The following KMT2C variants were observed in gnomAD, a reference collection of about 807,000 sequenced individuals.
The protein encoded by KMT2C is histone-lysine N-methyltransferase 2C.
Under a neutral mutation model 507.9 loss-of-function variants are expected in KMT2C, and 88 were observed. The ratio of observed to expected loss-of-function variants is 0.17; its 90% CI spans 0.15 to 0.21. The LOEUF (loss-of-function observed/expected upper bound fraction) is 0.21, where lower values mean the gene tolerates loss of function less well. Among genes scored for constraint, KMT2C ranks in the 10% least tolerant of loss-of-function variants. KMT2C has a pLI of 1.00. For missense variants in KMT2C, 4,954 were observed against 5,957.8 expected, an observed-to-expected ratio of 0.83 and a Z score of 5.55; for synonymous variants, 2,049 against 2,080.8, an observed-to-expected ratio of 0.98 and a Z score of 0.42.
chr7:152,325,927 AAAGTATGTCT>A (rs1053878493), intron 3 of KMT2C, among the ~76,000 whole-genome samples: 11 of 146,308 alleles, frequency 7.5e-5, no homozygotes, highest in African/African-American at 2.8e-4. Context: ...TTTTTTTTTT[AAAGTATGTCT>A]AATTGTTCTA....
intron 46 of KMT2C, 73 bp downstream of exon 46, chr7:152,155,837 G>C: frequency 7.2e-7 from 1 of 1,396,070 alleles, no homozygotes; most frequent in East Asian, 2.5e-5. Flanking sequence ...AAGACATTAT[G>C]CCACATACAT....
chr7:152,250,035 G>A, intron 12 of KMT2C, 82 bp from the exon 13 acceptor site: 1 of 777,440 alleles, frequency 1.3e-6, no homozygotes, highest in Non-Finnish European at 2.2e-6. Flanking sequence ...TGAGTAAAGA[G>A]TTTTATTCTA....
At chr7:152,423,346 C>G (rs2097789993) in intron 1 of KMT2C, among the ~76,000 whole-genome samples, 2 of 152,002 alleles carry the variant, frequency 1.3e-5, no homozygotes, top group Non-Finnish European at 2.9e-5. Flanking sequence ...TCTCAGAAAA[C>G]AAACAAACTA....
intron 6 of KMT2C, among the ~76,000 whole-genome samples, chr7:152,288,757 A>G (rs1342695804): frequency 2.6e-5 from 4 of 151,710 alleles, no homozygotes; most frequent in Admixed American, 1.3e-4. Flanking sequence ...TCTGAAAACT[A>G]ATGACTAAAC....
chr7:152,338,663 A>G (rs1040414507), intron 2 of KMT2C, among the ~76,000 whole-genome samples: 1 of 152,252 alleles, frequency 6.6e-6, no homozygotes, highest in Non-Finnish European at 1.5e-5. Context: ...AAAGTTAATT[A>G]CAAGCTCAAG....
At chr7:152,184,586 A>G (rs1256892158) in intron 34 of KMT2C, among the ~76,000 whole-genome samples, 1 of 152,210 alleles carries the variant, frequency 6.6e-6, no homozygotes, top group African/African-American at 2.4e-5. Context: ...ACAAGAAAAG[A>G]GGTGACTGTG....
chr7:152,358,393 G>C (rs4579439), intron 2 of KMT2C, among the ~76,000 whole-genome samples, 194 bp downstream of exon 2: 4 of 151,930 alleles, frequency 2.6e-5, no homozygotes, highest in Non-Finnish European at 4.4e-5. Flanking sequence ...CCAGGGCTTA[G>C]GGAAAAAAGA....
chr7:152,264,099 TC>T (rs1247747023), intron 8 of KMT2C, among the ~76,000 whole-genome samples: 4 of 152,200 alleles, frequency 2.6e-5, no homozygotes, highest in African/African-American at 9.7e-5. Flanking sequence ...GTTCTTTTAA[TC>T]CTTCCCAAGA....
chr7:152,262,605 A>G (rs2095798117), intron 9 of KMT2C, among the ~76,000 whole-genome samples: 1 of 152,208 alleles, frequency 6.6e-6, no homozygotes, highest in African/African-American at 2.4e-5. Context: ...TCCAGCACTC[A>G]GTAATAAAAA....
intron 55 of KMT2C, among the ~76,000 whole-genome samples, chr7:152,141,333 A>C (rs951946141): frequency 4.0e-5 from 6 of 151,766 alleles, no homozygotes; most frequent in African/African-American, 1.5e-4. Flanking sequence ...CAGAAAAGAG[A>C]AATAGATCCC....
intron 6 of KMT2C, among the ~76,000 whole-genome samples, chr7:152,290,605 G>A (rs1243457750): frequency 2.6e-5 from 4 of 151,640 alleles, no homozygotes; most frequent in Admixed American, 2.0e-4. Flanking sequence ...ACTGCGCCCG[G>A]CCCATAAATT....
chr7:152,330,473 A>G (rs1364043702), intron 3 of KMT2C, 128 bp downstream of exon 3: 19 of 870,644 alleles, frequency 2.2e-5, no homozygotes, highest in Non-Finnish European at 3.3e-5. Flanking sequence ...CTTCAAATTT[A>G]GCTACTAAAT....
Position 152,263,009 on chromosome 7 carries a change from A to G in KMT2C, c.1299+7T>C. 6.3e-7 allele frequency: 1 copy of G among 1,589,648 alleles called. No individual in the cohort carries two copies. Among genetic ancestry groups the G allele is most frequent in the Non-Finnish European group, 8.6e-7 (1 of 1,166,134 alleles). On this transcript the variant is annotated splice_region_variant and intron_variant, in intron 9 of 58. Transcript: ENST00000262189. Reference sequence around the variant, plus strand: ...GATTTAAAAAAATAAATAAATAAACAACTTACTTTGCATTTCCAGCCATTG... The same window carrying G: ...GATTTAAAAAAATAAATAAATAAACGACTTACTTTGCATTTCCAGCCATTG...
At position 152,315,234 on chromosome 7, in the gene KMT2C, T is replaced by C. The variant is rs772248036; in HGVS notation, c.494A>G (p.Asn165Ser). The change falls in exon 4 of 59, where the codon AAC becomes AGC. Residue 165 changes from asparagine to serine, a missense_variant. Around this residue, in one of 29 missense-constraint regions of KMT2C, gnomAD observed 233 missense variants for 263.6 expected, o/e 0.88. Coordinates refer to ENST00000262189, the MANE Select transcript of KMT2C (RefSeq NM_170606.3). ...ITPGFILPWR[N>S]QPSNKKDIDD... is the part of the protein sequence containing the mutation. ...AATGTCCTTCTTGTTAGAAGGTTGG[T>C]TTCTCCATGGCAAGATAAATCCAGG... The C allele has an allele frequency of 1.9e-6, 3 of 1,614,048 alleles. No individual in the cohort carries two copies. Among genetic ancestry groups the C allele is most frequent in the Non-Finnish European group, 2.5e-6 (3 of 1,179,934 alleles).
At chr7:152,409,917 T>A (rs943335727) in intron 1 of KMT2C, among the ~76,000 whole-genome samples, 2 of 152,066 alleles carry the variant, frequency 1.3e-5, no homozygotes, top group African/African-American at 4.8e-5. Context: ...TTTCAAATTA[T>A]ACAAATATTT....
rs774498091 is a variant in KMT2C, at chr7:152,174,829, G to C, written c.9263-587C>G. The stretch of plus-strand genomic sequence containing the variant: ...AATTCTTATTCTTAGAGGCACTGAG[G>C]CATTTTGACTGCATTGCTTTTGTTG... On this transcript the variant is annotated intron_variant, in intron 38 of 58. Transcript: ENST00000262189. 3.2e-4 allele frequency among the ~76,000 whole-genome samples: 48 copies of C among 152,106 alleles called. 1 individual carries two copies. The highest frequency in any genetic ancestry group is 6.5e-4 in the Non-Finnish European group (44 of 68,002).
rs1196830384 is a variant in KMT2C at position 152,290,134 on chromosome 7, A to G, written c.850-16267T>C. 2.0e-5 allele frequency among the ~76,000 whole-genome samples: 3 copies of G among 151,502 alleles called. No individual in the cohort carries two copies. The East Asian group carries it at 5.8e-4, about 29-fold the overall frequency. The stretch of plus-strand genomic sequence containing the variant: ...ATCACTCAGTGAACCAATATTTTCC[A>G]AAGACCACTTAGTAATCTTATAAAA... On this transcript the variant is annotated intron_variant, in intron 6 of 58. Coordinates refer to ENST00000262189, the MANE Select transcript of KMT2C (RefSeq NM_170606.3).
intron 33 of KMT2C, among the ~76,000 whole-genome samples, chr7:152,185,945 G>A (rs1282249949): frequency 1.3e-5 from 2 of 152,138 alleles, no homozygotes; most frequent in South Asian, 2.1e-4. Flanking sequence ...GACACCACCA[G>A]AACCAAAGTA....
rs547983938 is a variant in KMT2C, at chr7:152,151,375, A to T, written c.12666+67T>A. On this transcript the variant is annotated intron_variant, in intron 50 of 58. Coordinates refer to ENST00000262189, the MANE Select transcript of KMT2C (RefSeq NM_170606.3). ...AGTGGTGTCTCTCTCTGATGTTGGA[A>T]GAGACACTGCCAAGGACATTTTCGC... 9.2e-6 allele frequency: 14 copies of T among 1,529,520 alleles called. No individual in the cohort carries two copies. In the East Asian group the frequency reaches 3.2e-4, roughly 35 times the overall value. The allele number at this position is 1,529,520 out of a possible 1,614,324, so 94.7% of individuals were successfully genotyped here.
Sources: allele counts gnomAD v4.1 joint callset (sites outside exome capture counted in the v4.1 genomes callset), GRCh38; gene constraint gnomAD v4.1.1; regional missense constraint gnomAD v4.1.1; transcripts MANE v1.5; gene names NCBI Gene and HGNC (gene_info 2026-07-23, HGNC 2026-07-21).